The following ZNF510 variants were observed in gnomAD, a reference collection of about 807,000 sequenced individuals.
The protein encoded by ZNF510 is zinc finger protein 510.
Under a neutral mutation model 18.1 loss-of-function variants are expected in ZNF510, and 15 were observed. The ratio of observed to expected loss-of-function variants is 0.83; its 90% confidence interval spans 0.55 to 1.28. The LOEUF is 1.28. Ranked by LOEUF, ZNF510 falls within the 50% of genes most tolerant of loss-of-function variation. ZNF510 has a pLI of 0.00. For missense variants in ZNF510, 724 were observed against 791.8 expected (o/e 0.91, Z 1.03); for synonymous variants, 261 against 266.4 (o/e 0.98, Z 0.20).
In ZNF510 at chr9:96,763,303, T is replaced by A. The variant is rs1849398234; in HGVS notation, c.257-90A>T. ...AGAAAATACAGCTTTGGAAGCAGTA[T>A]CCTGAAAGTGCTCCTTTGCATTTAT... On this transcript the variant is annotated intron_variant, in intron 4 of 5. Coordinates refer to ENST00000223428, the MANE Select transcript of ZNF510 (RefSeq NM_014930.3). The A allele has an allele frequency of 2.1e-6, 3 of 1,421,122 alleles. No individual in the cohort carries two copies. In the Admixed American group the frequency reaches 5.4e-5, roughly 25 times the overall value. 88.0% of individuals were successfully genotyped at this position (1,421,122 alleles called of 1,614,324 possible). A position where few individuals can be genotyped will look rare whatever the true frequency, so the allele number is the denominator to read the frequency against.
intron 2 of ZNF510, 22 bp from the exon 3 acceptor site, chr9:96,774,868 T>A (rs760506545): frequency 6.2e-7 from 1 of 1,611,474 alleles, no homozygotes; most frequent in South Asian, 1.1e-5. Flanking sequence ...GAAGGAGTCA[T>A]GAGAGATCTG....
At chr9:96,764,394 C>A (rs1039821829) in intron 3 of ZNF510, among the ~76,000 whole-genome samples, 5 of 152,148 alleles carry the variant, frequency 3.3e-5, no homozygotes, top group African/African-American at 1.2e-4. Context: ...TCAAGTGATC[C>A]TCCCACCTTG....
chr9:96,771,797 G>T (rs10978904), intron 3 of ZNF510, among the ~76,000 whole-genome samples: 2 of 149,362 alleles, frequency 1.3e-5, no homozygotes, highest in Non-Finnish European at 2.9e-5. Context: ...AAAATCCATC[G>T]TATTTTAATA....
Position 96,759,430 on chromosome 9 carries a change from T to C in ZNF510, c.1400A>G (p.Lys467Arg). 1 of 1,614,176 alleles carries C rather than the reference T, an allele frequency of 6.2e-7. No individual in the cohort carries two copies. Among genetic ancestry groups the C allele is most frequent in the South Asian group, 1.1e-5 (1 of 91,086 alleles). The change falls in exon 6 of 6, where the codon AAA becomes AGA. Residue 467 changes from lysine (K) to arginine (R), a missense_variant. Transcript: ENST00000223428. ...EKPYKCNECG[K>R]TFVQKSTLRG... ...GAGGGTTGACTTCTGGACAAATGTT[T>C]TTCCACATTCATTACATTTATAGGG...
intron 4 of ZNF510, 126 bp from the exon 5 acceptor site, chr9:96,763,339 T>A: frequency 7.8e-7 from 1 of 1,274,248 alleles, no homozygotes; most frequent in Non-Finnish European, 1.1e-6. Flanking sequence ...CACTGGGAGT[T>A]GACAACACAT....
chr9:96,772,420 T>C (rs1849601137), intron 3 of ZNF510, among the ~76,000 whole-genome samples: 1 of 152,146 alleles, frequency 6.6e-6, no homozygotes, highest in Non-Finnish European at 1.5e-5. Context: ...AAAACTTTGT[T>C]GTCAAATATA....
rs758725943 is a variant in ZNF510, at chr9:96,760,303, C to G, written c.527G>C (p.Cys176Ser). Reference sequence around the variant, plus strand: ...TTGCAAATTCACTTCCCATGAGTTGCATTTGCAGGACATTTTTGTTGAAGC... The same window carrying G: ...TTGCAAATTCACTTCCCATGAGTTGGATTTGCAGGACATTTTTGTTGAAGC... ...AVASTKMSCK[C>S]NSWEVNLQSI... The change falls in exon 6 of 6, where the codon TGC becomes TCC. Residue 176 changes from cysteine to serine, a missense_variant. Transcript: ENST00000223428. The G allele has an allele frequency of 2.5e-6, 4 of 1,613,736 alleles. No homozygotes were observed. The highest frequency in any genetic ancestry group is 3.4e-6 in the Non-Finnish European group (4 of 1,179,794).
intron 3 of ZNF510, 102 bp from the exon 4 acceptor site, chr9:96,763,734 A>C: frequency 8.7e-7 from 1 of 1,147,624 alleles, no homozygotes; most frequent in Non-Finnish European, 1.2e-6. Context: ...TAAAAAGCTT[A>C]AACGAATGTA....
chr9:96,769,821 G>C (rs1278722562), intron 3 of ZNF510, among the ~76,000 whole-genome samples: 1 of 152,188 alleles, frequency 6.6e-6, no homozygotes, highest in Non-Finnish European at 1.5e-5. Flanking sequence ...ATGAAAAGAT[G>C]TTGAATGTCA....
Position 96,759,004 on chromosome 9 carries a change from A to G in ZNF510, c.1826T>C (p.Phe609Ser). The G allele has an allele frequency of 6.2e-7, 1 of 1,613,628 alleles. No homozygotes were observed. The highest frequency in any genetic ancestry group is 8.5e-7 in the Non-Finnish European group (1 of 1,179,870). Residue 609 changes from phenylalanine to serine, a missense_variant, in exon 6 of 6, where the codon TTT (phenylalanine) becomes TCT (serine). Phe to Ser is a radical substitution (Grantham distance 155). Coordinates refer to ENST00000223428, the MANE Select transcript of ZNF510 (RefSeq NM_014930.3). ...ATCACTAAGGATTGCTTTCCGGACAAATTTCTTCCCACATTCATTACATTT... is the reference window on the plus strand; with the variant it reads ...ATCACTAAGGATTGCTTTCCGGACAGATTTCTTCCCACATTCATTACATTT... ...PFKCNECGKK[F>S]VRKAILSDHQ...
chr9:96,773,578 C>CTCTTTT (rs1564441843), intron 3 of ZNF510, among the ~76,000 whole-genome samples: 2 of 148,508 alleles, frequency 1.3e-5, no homozygotes, highest in African/African-American at 2.5e-5. Context: ...CTGTTGACAT[C>CTCTTTT]TGTTTTTTTT....
chr9:96,771,431 T>TAAAAA (rs1564441028), intron 3 of ZNF510, among the ~76,000 whole-genome samples: 245 of 146,980 alleles, frequency 1.7e-3, no homozygotes, highest in African/African-American at 5.7e-3. Context: ...TCATGCATGA[T>TAAAAA]TAAAAAAAAA....
intron 2 of ZNF510, among the ~76,000 whole-genome samples, chr9:96,775,091 GCT>G (rs987765168): frequency 9.2e-5 from 14 of 151,516 alleles, no homozygotes; most frequent in African/African-American, 3.4e-4. Flanking sequence ...ACAGGATCTG[GCT>G]CTGTTGCCCA....
At chr9:96,769,465 G>A (rs924541021) in intron 3 of ZNF510, among the ~76,000 whole-genome samples, 1 of 149,068 alleles carries the variant, frequency 6.7e-6, no homozygotes. Flanking sequence ...GCCTTAAAAG[G>A]GATCAAAGAC....
rs1849222551 is a variant in ZNF510, at chr9:96,757,442, A to G, written c.*1336T>C. ...GTCTTTTCCACAATTCTCTGATCAT[A>G]TTTGAGGTTCTCCTTGACTCTCTAG... On this transcript the variant is annotated 3_prime_UTR_variant, in exon 6 of 6. Transcript: ENST00000223428. The G allele has an allele frequency of 6.6e-6, 1 of 152,170 alleles. No individual in the cohort carries two copies. The highest frequency in any genetic ancestry group is 1.5e-5 in the Non-Finnish European group (1 of 68,032). The allele number at this position is 152,170 out of a possible 1,614,324, so 9.4% of individuals were successfully genotyped here. A position where few individuals can be genotyped will look rare whatever the true frequency, so the allele number is the denominator to read the frequency against.
intron 3 of ZNF510, 32 bp from the exon 4 acceptor site, chr9:96,763,664 G>A: frequency 2.6e-6 from 4 of 1,543,472 alleles, no homozygotes; most frequent in Middle Eastern, 1.7e-4. Context: ...CAATCTGAAG[G>A]GTTCAGAATT....
In ZNF510 at chr9:96,760,445, T is replaced by C; in HGVS notation, c.385A>G (p.Asn129Asp). The C allele has an allele frequency of 6.2e-7, 1 of 1,611,012 alleles. No individual in the cohort carries two copies. ...AAGTGTTTGTCTTTGATTTTCTTGT[T>C]CTGCTTGATCAGGTCATCACCTCTG... The part of the protein sequence containing the change: ...DYRGDDLIKQ[N>D]KKIKDKHLEQ... Residue 129 changes from asparagine (N) to aspartate (D), a missense_variant, in exon 6 of 6, where the codon AAC becomes GAC. Asn to Asp is a conservative substitution (Grantham distance 23). Coordinates refer to ENST00000223428, the MANE Select transcript of ZNF510 (RefSeq NM_014930.3).
At chr9:96,775,594 T>G (rs1849680124) in intron 2 of ZNF510, among the ~76,000 whole-genome samples, 1 of 152,220 alleles carries the variant, frequency 6.6e-6, no homozygotes, top group African/African-American at 2.4e-5. Flanking sequence ...TTCTGGTGAC[T>G]CACCTGTGAC....
At position 96,765,044 on chromosome 9, in the gene ZNF510, C is replaced by T. The variant is rs1457021164; in HGVS notation, c.130-1412G>A. Among the ~76,000 whole-genome samples the T allele has an allele frequency of 2.6e-5, 4 of 152,028 alleles. No individual in the cohort carries two copies. The East Asian group carries it at 7.8e-4, about 29-fold the overall frequency. ...AGGAGAATCGTTTGGACCTGGGAGG[C>T]GGAGGTTGCAGTGAGCTGAGATCGC... On this transcript the variant is annotated intron_variant, in intron 3 of 5. Coordinates refer to ENST00000223428, the MANE Select transcript of ZNF510 (RefSeq NM_014930.3).
Sources: gnomAD v4.1 joint callset for allele counts (sites outside exome capture counted in the v4.1 genomes callset) on GRCh38, gnomAD v4.1.1 for gene constraint, MANE v1.5 for transcripts, NCBI Gene and HGNC (gene_info 2026-07-23, HGNC 2026-07-21) for gene names.